The following ACACA variants were observed in gnomAD, a reference collection of about 807,000 sequenced individuals.
The protein encoded by ACACA is acetyl-CoA carboxylase alpha, also known as acetyl-CoA carboxylase 1.
Under a neutral mutation model 296.1 loss-of-function variants are expected in ACACA, and 103 were observed. The ratio of observed to expected loss-of-function variants is 0.35; its 90% confidence interval spans 0.30 to 0.41. The LOEUF is 0.41. ACACA is among the 10% of genes least tolerant of loss of function. The pLI is 1.00. For missense variants in ACACA, 1,554 were observed against 2,989.7 expected (o/e 0.52, Z 11.20); for synonymous variants, 953 against 1,038.6 (o/e 0.92, Z 1.58).
chr17:37,373,635 A>G (rs2049888895), intron 1 of ACACA, among the ~76,000 whole-genome samples: 1 of 152,192 alleles, frequency 6.6e-6, no homozygotes, highest in Admixed American at 6.5e-5. Flanking sequence ...ATCTTTCGCC[A>G]AGCACAAGGT....
At chr17:37,172,037 C>T (rs1306156951) in intron 41 of ACACA, among the ~76,000 whole-genome samples, 1 of 152,160 alleles carries the variant, frequency 6.6e-6, no homozygotes, top group East Asian at 1.9e-4. Flanking sequence ...TCTCTGGTGT[C>T]ATCTGTTGCT....
In ACACA at chr17:37,204,298, A is replaced by T. The variant is rs573746389; in HGVS notation, c.4056+1467T>A. Among the ~76,000 whole-genome samples the T allele has an allele frequency of 9.8e-5, 15 of 152,322 alleles. No individual in the cohort carries two copies. In the East Asian group the frequency reaches 2.7e-3, roughly 27 times the overall value. ...CTGTCCCCTCAACTAGACTATAAGC[A>T]TCTTCAGGGCTAAGAATGTATTATT... On this transcript the variant is annotated intron_variant, in intron 33 of 55. Transcript: ENST00000616317.
chr17:37,192,369 G>T, intron 36 of ACACA, 64 bp from the exon 37 acceptor site: 1 of 1,438,028 alleles, frequency 7.0e-7, no homozygotes, highest in Non-Finnish European at 9.6e-7. Flanking sequence ...TACTATGAAT[G>T]TGAATGTAAA....
At chr17:37,373,038 G>A (rs939077112) in intron 1 of ACACA, among the ~76,000 whole-genome samples, 4 of 151,324 alleles carry the variant, frequency 2.6e-5, no homozygotes, top group Admixed American at 6.6e-5. Flanking sequence ...GTGCCACGAC[G>A]CCCAGATAAT....
intron 3 of ACACA, among the ~76,000 whole-genome samples, chr17:37,319,357 C>T (rs1165818334): frequency 6.6e-6 from 1 of 151,864 alleles, no homozygotes; most frequent in Admixed American, 6.6e-5. Flanking sequence ...ACAGTGTGTA[C>T]AGTATGACCT....
intron 1 of ACACA, among the ~76,000 whole-genome samples, chr17:37,351,768 GTCTTGTACTGCTGGCCTCAAGCAATCC>G (rs1206931089): frequency 2.6e-5 from 4 of 152,110 alleles, no homozygotes; most frequent in African/African-American, 9.7e-5. Flanking sequence ...AACGAGGCTG[GTCTTGTACTGCTGGCCTCAAGCAATCC>G]TCCCATCTTG....
chr17:37,095,990 C>G (rs2072964653), intron 54 of ACACA, among the ~76,000 whole-genome samples: 1 of 152,100 alleles, frequency 6.6e-6, no homozygotes, highest in African/African-American at 2.4e-5. Context: ...GGTCACGAGC[C>G]CTCTCTGTGA....
At chr17:37,185,860 C>T (rs1486713323) in intron 39 of ACACA, among the ~76,000 whole-genome samples, 2 of 152,172 alleles carry the variant, frequency 1.3e-5, no homozygotes, top group South Asian at 2.1e-4. Context: ...TGAGTCACTG[C>T]GCCCAGCCTA....
At chr17:37,237,346 A>G (rs2080160214) in intron 24 of ACACA, among the ~76,000 whole-genome samples, 1 of 152,182 alleles carries the variant, frequency 6.6e-6, no homozygotes. Flanking sequence ...GTATCCTAGT[A>G]AACATGTGTA....
At chr17:37,134,862 T>C (rs577135256) in intron 45 of ACACA, among the ~76,000 whole-genome samples, 22 of 152,330 alleles carry the variant, frequency 1.4e-4, no homozygotes, top group East Asian at 5.8e-4. Flanking sequence ...TCCATGATTC[T>C]AGATATTAAA....
chr17:37,274,529 G>A, intron 8 of ACACA: 1 of 827,890 alleles, frequency 1.2e-6, no homozygotes, highest in South Asian at 5.5e-5. Context: ...AACTAACAGG[G>A]AGCAACTTAT....
chr17:37,089,628 G>A (rs1244212800), intron 54 of ACACA, among the ~76,000 whole-genome samples: 1 of 152,190 alleles, frequency 6.6e-6, no homozygotes, highest in Non-Finnish European at 1.5e-5. Flanking sequence ...TGGGAGGGAA[G>A]TCTTGTTGCC....
chr17:37,219,107 C>T (rs762996761), intron 29 of ACACA, among the ~76,000 whole-genome samples: 36 of 152,146 alleles, frequency 2.4e-4, no homozygotes, highest in Non-Finnish European at 4.3e-4. Flanking sequence ...GGCTTTCAGC[C>T]AGCCAGACCT....
chr17:37,368,220 C>T (rs1340227140), intron 1 of ACACA, among the ~76,000 whole-genome samples: 1 of 152,160 alleles, frequency 6.6e-6, no homozygotes, highest in African/African-American at 2.4e-5. Context: ...TGCAGTGAGC[C>T]GTGTTTGCAC....
chr17:37,253,305 T>C (rs2081078162), intron 14 of ACACA, among the ~76,000 whole-genome samples: 1 of 152,066 alleles, frequency 6.6e-6, no homozygotes, highest in Non-Finnish European at 1.5e-5. Flanking sequence ...GGCAGGAGAA[T>C]GGCGTGAACC....
At chr17:37,183,581 C>T (rs1379966976) in intron 39 of ACACA, among the ~76,000 whole-genome samples, 1 of 152,028 alleles carries the variant, frequency 6.6e-6, no homozygotes, top group Non-Finnish European at 1.5e-5. Context: ...GCAATCCCAG[C>T]GCTTTGGGAG....
At chr17:37,134,309 G>A (rs114166844) in intron 45 of ACACA, among the ~76,000 whole-genome samples, 2,258 of 152,206 alleles carry the variant, frequency 0.015, 59 homozygotes, top group African/African-American at 0.05. Flanking sequence ...AGATAAACAC[G>A]TACTTCCTTT....
chr17:37,349,394 T>C (rs192563278), intron 1 of ACACA, among the ~76,000 whole-genome samples: 53 of 147,324 alleles, frequency 3.6e-4, no homozygotes, highest in African/African-American at 1.2e-3. Flanking sequence ...TATATATATA[T>C]AAAACATATA....
intron 41 of ACACA, among the ~76,000 whole-genome samples, chr17:37,171,283 G>A (rs758223392): frequency 2.6e-5 from 4 of 152,080 alleles, no homozygotes; most frequent in South Asian, 2.1e-4. Flanking sequence ...GCATGTTAGC[G>A]CTAACCCAGA....
Sources: allele counts gnomAD v4.1 joint callset (sites outside exome capture counted in the v4.1 genomes callset), GRCh38; gene constraint gnomAD v4.1.1; transcripts MANE v1.5; gene names NCBI Gene and HGNC (gene_info 2026-07-23, HGNC 2026-07-21).